Variants in OXTR observed in about 807,000 individuals in gnomAD.
OXTR encodes oxytocin receptor.
Under a neutral mutation model 23.9 loss-of-function variants are expected in OXTR, and 19 were observed. The ratio of observed to expected loss-of-function variants is 0.80; its 90% CI spans 0.56 to 1.17. The LOEUF is 1.17. Among genes scored for constraint, OXTR ranks in the 50% most tolerant of loss-of-function variants. OXTR has a pLI of 0.00. For missense variants in OXTR, 500 were observed against 550.7 expected (o/e 0.91, Z 0.92); for synonymous variants, 278 against 250.5 (o/e 1.11, Z -1.04).
rs2124992626 is a variant in OXTR at position 8,751,557 on chromosome 3, CA to C, written c.*1419del. On this transcript the variant is annotated 3_prime_UTR_variant, in exon 4 of 4. Coordinates refer to ENST00000316793, the MANE Select transcript of OXTR (RefSeq NM_000916.4). ...TGGATGCGTTTTGAGTTGATTTTTG[CA>C]CATAGTGTGAGTAAAGGTCCAACCT... is the stretch of plus-strand genomic sequence containing the variant. 6.6e-6 allele frequency: 1 copy of C among 151,818 alleles called. No homozygotes were observed. The highest frequency in any genetic ancestry group is 2.4e-5 in the African/African-American group (1 of 41,390). 9.4% of individuals were successfully genotyped at this position (151,818 alleles called of 1,614,324 possible). A position where few individuals can be genotyped will look rare whatever the true frequency, so the allele number is the denominator to read the frequency against.
Position 8,767,252 on chromosome 3 carries a change from C to A in OXTR, c.922+14G>T. ...ACCAGGCTCCCTCCTCCTGGGTCTC[C>A]CAGCCCTGGCTACCTTCCTTGGGCG... is the stretch of plus-strand genomic sequence containing the variant. On this transcript the variant is annotated intron_variant, in intron 3 of 3. Transcript: ENST00000316793. 6.6e-7 allele frequency: 1 copy of A among 1,524,622 alleles called. No homozygotes were observed. Among genetic ancestry groups the A allele is most frequent in the African/African-American group, 1.4e-5 (1 of 71,092 alleles). 94.4% of individuals were successfully genotyped at this position (1,524,622 alleles called of 1,614,324 possible).
rs910787340 is a variant in OXTR, at chr3:8,767,767, T to G, written c.421A>C (p.Ile141Leu). ...CGCAGCGAGCGCAGCGGCTGGCAGA[T>G]GGCCAGGCAGCGGTCCAGGGACATG... Reference protein sequence around the residue: ...LLMSLDRCLAICQPLRSLRRR... With the variant: ...LLMSLDRCLALCQPLRSLRRR... The change falls in exon 3 of 4, where the codon ATC becomes CTC. Residue 141 changes from isoleucine to leucine, a missense_variant. Physicochemically the swap from Ile to Leu is conservative, Grantham distance 5 (BLOSUM62 2). Transcript: ENST00000316793. 3 of 1,605,562 alleles carry G rather than the reference T, an allele frequency of 1.9e-6. No individual in the cohort carries two copies. In the East Asian group the frequency reaches 6.7e-5, roughly 36 times the overall value.
intron 3 of OXTR, among the ~76,000 whole-genome samples, chr3:8,759,048 C>A (rs62243365): frequency 0.022 from 3,319 of 152,304 alleles, 43 homozygotes; most frequent in Non-Finnish European, 0.031. Context: ...GGGCCCCACC[C>A]CAGACCTACT....
chr3:8,763,378 T>C (rs1708532168), intron 3 of OXTR, among the ~76,000 whole-genome samples: 2 of 152,170 alleles, frequency 1.3e-5, no homozygotes, highest in South Asian at 4.1e-4. Context: ...TTAAGGACAC[T>C]GGACTGGGCG....
rs1249778171 is a variant in OXTR at position 8,768,023 on chromosome 3, G to A, written c.165C>T (p.Ser55=). Residue 55 remains serine, a synonymous_variant, in exon 3 of 4, where the codon AGC becomes AGT. Transcript: ENST00000316793. The surrounding 1 kb of genome is among the most constrained non-coding windows in gnomAD (Gnocchi z 5.4). ...GCGCCAGCAGCACACACGCGTTCCC[G>A]CTCAGCGCCAGGAGCAGGATGAGAC... ...VLCLILLLAL[S]GNACVLLALR... is the part of the protein sequence containing the mutation. The A allele has an allele frequency of 1.2e-6, 2 of 1,605,114 alleles. No homozygotes were observed.
At chr3:8,758,858 G>A (rs572819082) in intron 3 of OXTR, among the ~76,000 whole-genome samples, 7 of 152,226 alleles carry the variant, frequency 4.6e-5, no homozygotes, top group Non-Finnish European at 7.4e-5. Context: ...CCAGCCCTTC[G>A]CTACCCTTCA....
downstream of OXTR, chr3:8,745,456 C>A (rs546273544): frequency 1.6e-6 from 2 of 1,223,120 alleles, no homozygotes; most frequent in East Asian, 2.3e-5. The surrounding 1 kb of genome is among the most constrained non-coding windows in gnomAD (Gnocchi z 4.8). Context: ...GACACATGCA[C>A]GCACACACCC....
chr3:8,745,481 C>G (rs80340058), downstream of OXTR: 1 of 1,147,104 alleles, frequency 8.7e-7, no homozygotes, highest in Non-Finnish European at 1.3e-6. This position sits in a 1 kb window ranked among gnomAD's most constrained non-coding sequence, Gnocchi z 4.8. Context: ...GCTTGAGAAG[C>G]GGGTGGCTTC....
chr3:8,754,585 G>C (rs925356803), intron 3 of OXTR, among the ~76,000 whole-genome samples: 1 of 152,212 alleles, frequency 6.6e-6, no homozygotes, highest in Non-Finnish European at 1.5e-5. Context: ...TCTAGATGTG[G>C]CCACTGATGA....
At position 8,767,969 on chromosome 3, in the gene OXTR, G is replaced by A. The variant is rs1708670223; in HGVS notation, c.219C>T (p.Arg73=). 1 of 1,612,550 alleles carries A rather than the reference G, an allele frequency of 6.2e-7. No homozygotes were observed. Among genetic ancestry groups the A allele is most frequent in the Admixed American group, 1.7e-5 (1 of 59,888 alleles). Reference sequence around the variant, plus strand: ...TTAGGTGCTTCATGAAGAAGAAGAGGCGCGAGTGCTTCTGGCGTGTGGTGC... The same window carrying A: ...TTAGGTGCTTCATGAAGAAGAAGAGACGCGAGTGCTTCTGGCGTGTGGTGC... ...ALRTTRQKHS[R]LFFFMKHLSI... The change falls in exon 3 of 4, where the codon CGC becomes CGT. Residue 73 remains arginine (R), a synonymous_variant. Coordinates refer to ENST00000316793, the MANE Select transcript of OXTR (RefSeq NM_000916.4).
downstream of OXTR, among the ~76,000 whole-genome samples, chr3:8,749,145 T>C (rs1708213268): frequency 6.6e-6 from 1 of 152,092 alleles, no homozygotes; most frequent in South Asian, 2.1e-4. Context: ...TTCTAGGCTT[T>C]AGTTGGGGAA....
chr3:8,757,789 CACTT>C (rs1248758124), intron 3 of OXTR, among the ~76,000 whole-genome samples: 2 of 152,174 alleles, frequency 1.3e-5, no homozygotes, highest in Non-Finnish European at 1.5e-5. Context: ...GCTGGCCTCA[CACTT>C]ACGGCATTTC....
At chr3:8,763,505 C>A (rs1708535498) in intron 3 of OXTR, among the ~76,000 whole-genome samples, 1 of 152,212 alleles carries the variant, frequency 6.6e-6, no homozygotes, top group South Asian at 2.1e-4. Context: ...CTCTACCAAA[C>A]TCCCTCCTCA....
intron 3 of OXTR, among the ~76,000 whole-genome samples, chr3:8,754,870 C>T (rs978568536): frequency 1.3e-5 from 2 of 151,520 alleles, no homozygotes; most frequent in Non-Finnish European, 2.9e-5. Flanking sequence ...GAGCAAGCTA[C>T]GATAGACAGA....
Position 8,767,671 on chromosome 3 carries a change from G to A in OXTR, c.517C>T (p.His173Tyr). The change falls in exon 3 of 4, where the codon CAC (histidine) becomes TAC (tyrosine). Residue 173 changes from histidine to tyrosine, a missense_variant. Coordinates refer to ENST00000316793, the MANE Select transcript of OXTR (RefSeq NM_000916.4). ...GCCACCTCGCGCAGAGAGAAGATGTGCACCTGCGGCGCGCTGGCCACCAGG... is the reference window on the plus strand; with the variant it reads ...GCCACCTCGCGCAGAGAGAAGATGTACACCTGCGGCGCGCTGGCCACCAGG... Reference protein sequence around the residue: ...GCLVASAPQVHIFSLREVADG... With the variant: ...GCLVASAPQVYIFSLREVADG... 1 of 1,611,638 alleles carries A rather than the reference G, an allele frequency of 6.2e-7. No homozygotes were observed. The highest frequency in any genetic ancestry group is 8.5e-7 in the Non-Finnish European group (1 of 1,179,076).
chr3:8,742,360 C>CAAAAAAAAA, the OXTR span: 3 of 242,220 alleles, frequency 1.2e-5, no homozygotes, highest in African/African-American at 2.7e-5. Flanking sequence ...CTGCAAACAC[C>CAAAAAAAAA]AAAAAAAAAA....
At position 8,767,903 on chromosome 3, in the gene OXTR, C is replaced by T; in HGVS notation, c.285G>A (p.Pro95=). The change falls in exon 3 of 4, where the codon CCG becomes CCA. Residue 95 remains proline (P), a synonymous_variant. Transcript: ENST00000316793. The stretch of plus-strand genomic sequence containing the variant: ...GGAAGGTGATGTCCCACAGCAACTG[C>T]GGCAGCACCTGAAACACTGCCACCA... The part of the protein sequence containing the change: ...DLVVAVFQVL[P]QLLWDITFRF... The T allele has an allele frequency of 6.2e-7, 1 of 1,613,650 alleles. No homozygotes were observed. Among genetic ancestry groups the T allele is most frequent in the Non-Finnish European group, 8.5e-7 (1 of 1,179,850 alleles).
chr3:8,754,615 C>G (rs1414996827), intron 3 of OXTR, among the ~76,000 whole-genome samples: 3 of 152,168 alleles, frequency 2.0e-5, no homozygotes, highest in African/African-American at 7.2e-5. Flanking sequence ...AGATGTTTGT[C>G]AGCGAAGTCT....
At chr3:8,748,767 A>G (rs539555060), downstream of OXTR, among the ~76,000 whole-genome samples, 1 of 152,332 alleles carries the variant, frequency 6.6e-6, no homozygotes, top group South Asian at 2.1e-4. Flanking sequence ...TTGAATACAA[A>G]AAGTGTTAAA....
Sources: allele counts gnomAD v4.1 joint callset (sites outside exome capture counted in the v4.1 genomes callset), GRCh38; gene constraint gnomAD v4.1.1; non-coding constraint Gnocchi (gnomAD v3.1); transcripts MANE v1.5; gene names NCBI Gene and HGNC (gene_info 2026-07-23, HGNC 2026-07-21).